CDKAL1: variants seen among roughly 807,000 people sequenced by gnomAD.
The protein encoded by CDKAL1 is CDKAL1 threonylcarbamoyladenosine tRNA methylthiotransferase.
Under a neutral mutation model 68.2 loss-of-function variants are expected in CDKAL1, and 32 were observed. That is an observed-to-expected ratio of 0.47 (90% confidence interval 0.35 to 0.63). The LOEUF (loss-of-function observed/expected upper bound fraction) is 0.63, where lower values mean the gene tolerates loss of function less well. CDKAL1 is among the 30% of genes least tolerant of loss of function. The pLI is 0.00. For synonymous variants in CDKAL1, 234 were observed against 244.3 expected (o/e 0.96, Z 0.39); for missense variants, 606 against 696.7 (o/e 0.87, Z 1.47).
At chr6:21,219,905 TC>T (rs1216773941) in intron 15 of CDKAL1, among the ~76,000 whole-genome samples, 2 of 152,234 alleles carry the variant, frequency 1.3e-5, no homozygotes, top group African/African-American at 4.8e-5. Context: ...TTTGTGAACA[TC>T]CTGGCTCAGT....
chr6:20,796,930 GTAGAATAAAACA>G (rs1395640775), intron 8 of CDKAL1, among the ~76,000 whole-genome samples: 1 of 152,158 alleles, frequency 6.6e-6, no homozygotes, highest in East Asian at 1.9e-4. Context: ...TTTAAAAATT[GTAGAATAAAACA>G]TAGGAGAAGG....
chr6:20,724,534 T>C (rs544407185), intron 5 of CDKAL1, among the ~76,000 whole-genome samples: 2 of 151,886 alleles, frequency 1.3e-5, no homozygotes, highest in South Asian at 2.1e-4. Context: ...GTAGGCAACA[T>C]GGTGAAACCC....
chr6:21,231,728 C>CTCTT lies in CDKAL1; in HGVS notation c.*691_*694dup, dbSNP rs1779984757. On this transcript the variant is annotated 3_prime_UTR_variant, in exon 16 of 16. Transcript: ENST00000274695. ...ACAGGCGTGAGCCACTGCGCCCGGC[C>CTCTT]TCTTTAATAAATATTTTTAAGTGCA... The CTCTT allele has an allele frequency of 6.6e-6, 1 of 152,246 alleles. No homozygotes were observed. Among genetic ancestry groups the CTCTT allele is most frequent in the Non-Finnish European group, 1.5e-5 (1 of 68,090 alleles). The allele number at this position is 152,246 out of a possible 1,614,324, so 9.4% of individuals were successfully genotyped here.
At chr6:21,077,718 C>A (rs1290290243) in intron 12 of CDKAL1, among the ~76,000 whole-genome samples, 1 of 152,218 alleles carries the variant, frequency 6.6e-6, no homozygotes, top group Non-Finnish European at 1.5e-5. Context: ...ATGACCCAGT[C>A]ACCTCTCACC....
intron 15 of CDKAL1, among the ~76,000 whole-genome samples, chr6:21,226,902 C>T (rs1453689553): frequency 1.3e-5 from 2 of 152,178 alleles, no homozygotes; most frequent in Admixed American, 6.5e-5. Context: ...TTAATAGAGA[C>T]GGGGTTTCAC....
intron 11 of CDKAL1, among the ~76,000 whole-genome samples, chr6:21,001,377 TA>T (rs1767421126): frequency 6.6e-6 from 1 of 152,218 alleles, no homozygotes; most frequent in Non-Finnish European, 1.5e-5. Flanking sequence ...ATGATCATTT[TA>T]AAAATCTTTT....
At chr6:20,651,423 G>T (rs1768765941) in intron 5 of CDKAL1, among the ~76,000 whole-genome samples, 1 of 152,172 alleles carries the variant, frequency 6.6e-6, no homozygotes, top group South Asian at 2.1e-4. Flanking sequence ...AGAGTTTACT[G>T]AAGTTGCTTA....
chr6:20,651,056 T>C (rs1768744268), intron 5 of CDKAL1, among the ~76,000 whole-genome samples: 1 of 152,192 alleles, frequency 6.6e-6, no homozygotes, highest in South Asian at 2.1e-4. Context: ...TGGTTTCATA[T>C]GAATTTTAAA....
rs112414331 is a variant in CDKAL1, at chr6:20,548,201, A to G, written c.174-392A>G. Among the ~76,000 whole-genome samples the G allele has an allele frequency of 1.5e-3, 222 of 152,238 alleles. 2 individuals are homozygous for G. The Middle Eastern group carries it at 0.024, about 16-fold the overall frequency. On this transcript the variant is annotated intron_variant, in intron 3 of 15. Transcript: ENST00000274695. ...GTAGTGAGTTTGTTTTTTGTGTAAT[A>G]TATCTTAAAATCATCTAGTGGTTTT...
At chr6:20,541,800 A>G (rs1471989685) in intron 2 of CDKAL1, among the ~76,000 whole-genome samples, 1 of 152,120 alleles carries the variant, frequency 6.6e-6, no homozygotes, top group Non-Finnish European at 1.5e-5. Context: ...AGCTGGGATT[A>G]CAGGCATGTG....
At chr6:20,965,961 G>A (rs1765289132) in intron 10 of CDKAL1, among the ~76,000 whole-genome samples, 2 of 152,122 alleles carry the variant, frequency 1.3e-5, no homozygotes, top group African/African-American at 2.4e-5. Context: ...CGATCCTCTC[G>A]GTATTGACTT....
In CDKAL1 at chr6:21,231,168, C is replaced by A; in HGVS notation, c.*129C>A. ...CTGGTCATGCTGCCTCCTTCTCAGC[C>A]ACTCTTCTTAATGAGGCTCCCCCTG... On this transcript the variant is annotated 3_prime_UTR_variant, in exon 16 of 16. Coordinates refer to ENST00000274695, the MANE Select transcript of CDKAL1 (RefSeq NM_017774.3). 1 of 646,162 alleles carries A rather than the reference C, an allele frequency of 1.5e-6. No individual in the cohort carries two copies. Among genetic ancestry groups the A allele is most frequent in the South Asian group, 3.3e-5 (1 of 30,762 alleles). 40.0% of individuals were successfully genotyped at this position (646,162 alleles called of 1,614,324 possible).
At chr6:21,066,807 A>G (rs1771468072) in intron 12 of CDKAL1, among the ~76,000 whole-genome samples, 1 of 151,816 alleles carries the variant, frequency 6.6e-6, no homozygotes, top group Non-Finnish European at 1.5e-5. Context: ...TTTAGTTTTC[A>G]TAGAGACAGG....
At chr6:20,629,983 A>G (rs1438955645) in intron 4 of CDKAL1, among the ~76,000 whole-genome samples, 2 of 151,862 alleles carry the variant, frequency 1.3e-5, no homozygotes, top group African/African-American at 2.4e-5. Flanking sequence ...CCTCCTTAGT[A>G]GCTGGGACTA....
chr6:21,058,502 G>A (rs1002364083), intron 11 of CDKAL1, among the ~76,000 whole-genome samples: 3 of 152,152 alleles, frequency 2.0e-5, no homozygotes, highest in African/African-American at 7.2e-5. Flanking sequence ...GGGGCATTTA[G>A]CCCATTTACA....
rs1374345968 is a variant in CDKAL1 at position 20,653,761 on chromosome 6, T to C, written c.371+4384T>C. Among the ~76,000 whole-genome samples the C allele has an allele frequency of 3.3e-5, 5 of 151,790 alleles. 1 individual carries two copies. Among genetic ancestry groups the C allele is most frequent in the African/African-American group, 1.2e-4 (5 of 41,384 alleles). On this transcript the variant is annotated intron_variant, in intron 5 of 15. Coordinates refer to ENST00000274695, the MANE Select transcript of CDKAL1 (RefSeq NM_017774.3). Reference sequence around the variant, plus strand: ...TCTCGAGTAGGTGGGATTACAGGCGTGCACCACCACACCCAGCTAATTTTT... The same window carrying C: ...TCTCGAGTAGGTGGGATTACAGGCGCGCACCACCACACCCAGCTAATTTTT...
intron 10 of CDKAL1, among the ~76,000 whole-genome samples, chr6:20,998,577 C>G (rs1767250102): frequency 6.6e-6 from 1 of 151,296 alleles, no homozygotes; most frequent in Non-Finnish European, 1.5e-5. Flanking sequence ...CGCCAGTGCA[C>G]TCCAGCCTGG....
At chr6:21,059,703 C>A (rs1000017055) in intron 11 of CDKAL1, among the ~76,000 whole-genome samples, 1 of 152,116 alleles carries the variant, frequency 6.6e-6, no homozygotes. Context: ...TCATTCTTCA[C>A]GGTGGGAGCC....
At chr6:20,807,712 G>A (rs1314169579) in intron 8 of CDKAL1, among the ~76,000 whole-genome samples, 1 of 152,206 alleles carries the variant, frequency 6.6e-6, no homozygotes, top group African/African-American at 2.4e-5. Flanking sequence ...TGATAGCAAC[G>A]AATATTCATG....
Sources: allele counts gnomAD v4.1 joint callset (sites outside exome capture counted in the v4.1 genomes callset), GRCh38; gene constraint gnomAD v4.1.1; transcripts MANE v1.5; gene names NCBI Gene and HGNC (gene_info 2026-07-23, HGNC 2026-07-21).